SLC25A43: variants seen among roughly 807,000 people sequenced by gnomAD.
SLC25A43 encodes solute carrier family 25, member 43.
SLC25A43 carries 10 observed loss-of-function variants against 22.8 expected under a neutral mutation model. The observed-to-expected ratio is 0.44, with a 90% CI of 0.27 to 0.74. The LOEUF is 0.74. SLC25A43 is among the 30% of genes least tolerant of loss of function. The pLI is 0.17. For missense variants in SLC25A43, 233 were observed against 279.1 expected, an observed-to-expected ratio of 0.83 and a Z score of 1.18; for synonymous variants, 106 against 121.6, an observed-to-expected ratio of 0.87 and a Z score of 0.84.
At chrX:119,399,855 GC>G (rs1401864171) in intron 1 of SLC25A43, among the ~76,000 whole-genome samples, 177 bp downstream of exon 1, 1 of 112,927 alleles carries the variant, frequency 8.9e-6, no homozygotes, top group Non-Finnish European at 1.9e-5. Context: ...CCAGAGTGCA[GC>G]CCCAATGCTT....
At chrX:119,443,010 G>A (rs1356507616) in intron 3 of SLC25A43, among the ~76,000 whole-genome samples, 3 of 111,197 alleles carry the variant, frequency 2.7e-5, no homozygotes, top group African/African-American at 9.8e-5. Flanking sequence ...AGGAAAAATA[G>A]ACATGTAAAT....
intron 3 of SLC25A43, among the ~76,000 whole-genome samples, chrX:119,419,879 C>T (rs2052437714): frequency 8.9e-6 from 1 of 111,815 alleles, no homozygotes; most frequent in African/African-American, 3.2e-5. Context: ...CCATGCTGGT[C>T]TTTCTTTTTG....
intron 3 of SLC25A43, among the ~76,000 whole-genome samples, chrX:119,421,299 C>T (rs757826077): frequency 1.4e-4 from 16 of 111,359 alleles, no homozygotes; most frequent in African/African-American, 4.9e-4. Flanking sequence ...CTCCAAAGGA[C>T]GGATGCCATT....
intron 3 of SLC25A43, among the ~76,000 whole-genome samples, chrX:119,435,086 A>C (rs2052589688): frequency 9.0e-6 from 1 of 110,615 alleles, no homozygotes; most frequent in Non-Finnish European, 1.9e-5. Flanking sequence ...TTATCTGCCC[A>C]CCTCGGCCTC....
intron 3 of SLC25A43, among the ~76,000 whole-genome samples, chrX:119,418,111 C>A (rs1188216213): frequency 1.8e-5 from 2 of 111,202 alleles, no homozygotes; most frequent in African/African-American, 6.5e-5. Context: ...GTCCAGTTAA[C>A]AACTTCATAA....
intron 3 of SLC25A43, chrX:119,423,528 C>CAA (rs748525722): frequency 4.7e-4 from 21 of 44,708 alleles, no homozygotes; most frequent in Non-Finnish European, 7.2e-4. Context: ...GACTCTGTCT[C>CAA]AAAAAAAAAA....
chrX:119,434,286 G>A (rs1479253632), intron 3 of SLC25A43, among the ~76,000 whole-genome samples: 1 of 109,707 alleles, frequency 9.1e-6, no homozygotes, highest in Admixed American at 9.8e-5. Context: ...GCAAAATCAA[G>A]AGTTCTGATT....
At chrX:119,427,464 C>G (rs2052517005) in intron 3 of SLC25A43, among the ~76,000 whole-genome samples, 1 of 112,227 alleles carries the variant, frequency 8.9e-6, no homozygotes, top group African/African-American at 3.2e-5. Context: ...GCTGCCTACA[C>G]CCACTCGTAC....
At chrX:119,450,804 G>T (rs1490902765) in intron 3 of SLC25A43, among the ~76,000 whole-genome samples, 2 of 112,687 alleles carry the variant, frequency 1.8e-5, no homozygotes, top group Non-Finnish European at 3.7e-5. Flanking sequence ...CAGTGGACAG[G>T]TAGTACCAGT....
At chrX:119,429,720 G>T (rs1021901129) in intron 3 of SLC25A43, among the ~76,000 whole-genome samples, 2 of 111,909 alleles carry the variant, frequency 1.8e-5, no homozygotes, top group African/African-American at 6.5e-5. Flanking sequence ...TAAGTGCCAT[G>T]AAGGAGAAGC....
chrX:119,406,551 G>C lies in SLC25A43; in HGVS notation c.367G>C (p.Val123Leu). The change falls in exon 2 of 5, where the codon GTA becomes CTA. Residue 123 changes from valine to leucine, a missense_variant. Transcript: ENST00000217909. ...TCTCGCAGGCATGGTTTCCACCATT[G>C]TAACATATCCTACAGACCTCATCAA... is the stretch of plus-strand genomic sequence containing the variant. Reference protein sequence around the residue: ...GSLAGMVSTIVTYPTDLIKTR... With the variant: ...GSLAGMVSTILTYPTDLIKTR... The C allele has an allele frequency of 8.3e-7, 1 of 1,211,556 alleles. No homozygotes were observed. Among genetic ancestry groups the C allele is most frequent in the South Asian group, 1.8e-5 (1 of 56,967 alleles).
rs1472871491 is a variant in SLC25A43 at position 119,410,433 on chromosome X, A to G, written c.690+71A>G. ...GTTTGTGGTCGGGTAATAACAGCAA[A>G]GAACACTGACCCCAAGTGATGCCAG... is the stretch of plus-strand genomic sequence containing the variant. On this transcript the variant is annotated intron_variant, in intron 3 of 4. Coordinates refer to ENST00000217909, the MANE Select transcript of SLC25A43 (RefSeq NM_145305.3). 35 of 1,085,057 alleles carry G rather than the reference A, an allele frequency of 3.2e-5. 2 individuals carry two copies. In the South Asian group the frequency reaches 6.4e-4, roughly 20 times the overall value. 89.4% of individuals were successfully genotyped at this position (1,085,057 alleles called of 1,213,427 possible). A position where few individuals can be genotyped will look rare whatever the true frequency, so the allele number is the denominator to read the frequency against.
At chrX:119,429,032 T>G (rs911359848) in intron 3 of SLC25A43, among the ~76,000 whole-genome samples, 5 of 110,586 alleles carry the variant, frequency 4.5e-5, no homozygotes, top group Non-Finnish European at 9.4e-5. Context: ...CTAGAATTTT[T>G]GCTTTGGTCA....
intron 3 of SLC25A43, among the ~76,000 whole-genome samples, chrX:119,416,495 A>G (rs750176725): frequency 1.8e-5 from 2 of 112,740 alleles, no homozygotes; most frequent in East Asian, 5.6e-4. Context: ...CTGGGATTAC[A>G]GGCGTGAGCC....
At chrX:119,405,791 G>T (rs757099319) in intron 1 of SLC25A43, among the ~76,000 whole-genome samples, 1 of 109,847 alleles carries the variant, frequency 9.1e-6, no homozygotes, top group African/African-American at 3.3e-5. Context: ...GGGCACTTTG[G>T]GAGGCCGAGC....
chrX:119,433,191 G>A (rs771329969), intron 3 of SLC25A43, among the ~76,000 whole-genome samples: 14 of 112,097 alleles, frequency 1.2e-4, no homozygotes, highest in Non-Finnish European at 2.4e-4. Flanking sequence ...TCAGGATGAG[G>A]TGGCATCTGA....
At chrX:119,416,972 C>A (rs1373819850) in intron 3 of SLC25A43, among the ~76,000 whole-genome samples, 1 of 111,889 alleles carries the variant, frequency 8.9e-6, no homozygotes, top group African/African-American at 3.2e-5. Flanking sequence ...AAATCCTGGT[C>A]CTAAGAATTT....
chrX:119,407,151 G>A (rs746832484), intron 2 of SLC25A43, among the ~76,000 whole-genome samples: 29 of 112,087 alleles, frequency 2.6e-4, no homozygotes, highest in Admixed American at 2.2e-3. Context: ...CATTTGATAA[G>A]GTTGACCACC....
At position 119,446,962 on chromosome X, in the gene SLC25A43, C is replaced by CT. The variant is rs746323068; in HGVS notation, c.691-5038dup. Among the ~76,000 whole-genome samples the CT allele has an allele frequency of 2.9e-4, 32 of 110,538 alleles. No homozygotes were observed. The Middle Eastern group carries it at 0.014, about 49-fold the overall frequency. The stretch of plus-strand genomic sequence containing the variant: ...TCTCCAATCTTTCTCTTCCCATTCT[C>CT]TTTTTTTTTGAGACAGAGTCTCACT... On this transcript the variant is annotated intron_variant, in intron 3 of 4. Transcript: ENST00000217909.
Sources: gnomAD v4.1 joint callset for allele counts (sites outside exome capture counted in the v4.1 genomes callset) on GRCh38, gnomAD v4.1.1 for gene constraint, MANE v1.5 for transcripts, NCBI Gene and HGNC (gene_info 2026-07-23, HGNC 2026-07-21) for gene names.